Variants in ZFHX3 observed in about 807,000 individuals in gnomAD.
ZFHX3 encodes the protein zinc finger homeobox 3.
In ZFHX3, 42 loss-of-function variants were observed where a neutral mutation model predicts 279.1. That is an observed-to-expected ratio of 0.15 (90% CI 0.12 to 0.19). ZFHX3 has a LOEUF of 0.19. Ranked by LOEUF, ZFHX3 falls within the 10% of genes least tolerant of loss-of-function variation. The probability of loss-of-function intolerance (pLI) is 1.00; values close to 1 mark genes in which losing one functional copy is unlikely to be tolerated. For synonymous variants in ZFHX3, 2,293 were observed against 1,957.8 expected (o/e 1.17, Z -4.52); for missense variants, 4,981 against 4,754.0 (o/e 1.05, Z -1.40).
intron 2 of ZFHX3, chr16:73,554,836 C>T (rs1678856601): frequency 6.6e-6 from 1 of 152,154 alleles, no homozygotes; most frequent in African/African-American, 2.4e-5. Flanking sequence ...ATTCTCGCCA[C>T]CTGATTCCAT....
chr16:73,684,524 A>G (rs965160410), intron 1 of ZFHX3, among the ~76,000 whole-genome samples: 9 of 152,154 alleles, frequency 5.9e-5, no homozygotes, highest in Non-Finnish European at 1.3e-4. Context: ...AGGTAGAATA[A>G]TGGCTTCCCA....
intron 3 of ZFHX3, among the ~76,000 whole-genome samples, chr16:73,377,748 T>C (rs1351846390): frequency 2.6e-5 from 4 of 151,642 alleles, no homozygotes; most frequent in African/African-American, 7.3e-5. Context: ...AAATATCTTA[T>C]ACAGGCCAGG....
At chr16:73,376,093 C>G (rs1281980883) in intron 3 of ZFHX3, among the ~76,000 whole-genome samples, 2 of 152,214 alleles carry the variant, frequency 1.3e-5, no homozygotes, top group African/African-American at 4.8e-5. Context: ...TGTTCCTCCT[C>G]CTTTCCACTA....
intron 2 of ZFHX3, chr16:73,499,597 A>G (rs999744540): frequency 6.6e-6 from 1 of 152,250 alleles, no homozygotes. Flanking sequence ...GCTTTACACT[A>G]GAACCAATGA....
intron 1 of ZFHX3, among the ~76,000 whole-genome samples, chr16:73,804,699 C>A (rs190054147): frequency 6.6e-6 from 1 of 151,992 alleles, no homozygotes; most frequent in Admixed American, 6.6e-5. Flanking sequence ...AATGCCTGGA[C>A]CCACCTGGGA....
intron 2 of ZFHX3, among the ~76,000 whole-genome samples, chr16:73,624,302 T>C (rs75209195): frequency 1.5e-4 from 23 of 152,354 alleles, no homozygotes; most frequent in Non-Finnish European, 2.6e-4. Flanking sequence ...CCAATGTTTA[T>C]GTTTATGTTA....
chr16:73,565,379 C>A (rs2020436218), intron 2 of ZFHX3, among the ~76,000 whole-genome samples: 1 of 152,128 alleles, frequency 6.6e-6, no homozygotes. Context: ...AGGAAGAAAA[C>A]CCCGATGAAT....
chr16:73,495,800 G>T (rs1402047962), intron 2 of ZFHX3, among the ~76,000 whole-genome samples: 1 of 152,206 alleles, frequency 6.6e-6, no homozygotes, highest in Non-Finnish European at 1.5e-5. Flanking sequence ...GCTAAATGCA[G>T]ACAGAACACT....
intron 5 of ZFHX3, among the ~76,000 whole-genome samples, chr16:73,167,081 A>G (rs938935774): frequency 1.7e-4 from 26 of 152,222 alleles, no homozygotes; most frequent in African/African-American, 6.0e-4. Flanking sequence ...TGCCCTGCAA[A>G]GATGATAATC....
chr16:73,888,254 G>A lies in ZFHX3; in HGVS notation c.-1608+3397C>T, dbSNP rs80101601. 8.1e-3 allele frequency among the ~76,000 whole-genome samples: 1,232 copies of A among 152,256 alleles called. 19 individuals carry two copies. Among genetic ancestry groups the A allele is most frequent in the African/African-American group, 0.028 (1,161 of 41,542 alleles). On this transcript the variant is annotated intron_variant, in intron 1 of 17. Coordinates refer to the ZFHX3 transcript ENST00000641206. ...GAAGAAGAAATGTCATGCTAGCAGC[G>A]GTAACGGCATAAATTGTGCTCATTC...
chr16:73,789,904 T>G (rs1959771378), intron 1 of ZFHX3, among the ~76,000 whole-genome samples: 1 of 152,182 alleles, frequency 6.6e-6, no homozygotes, highest in Non-Finnish European at 1.5e-5. Context: ...CAAGGCCTTT[T>G]TCTCCTACTA....
At chr16:73,141,252 G>A (rs1966847137) in intron 6 of ZFHX3, among the ~76,000 whole-genome samples, 1 of 152,128 alleles carries the variant, frequency 6.6e-6, no homozygotes, top group Non-Finnish European at 1.5e-5. Flanking sequence ...TCATGGAACT[G>A]TCTTACTCTG....
intron 5 of ZFHX3, among the ~76,000 whole-genome samples, chr16:73,163,672 G>T (rs978924807): frequency 6.6e-6 from 1 of 152,178 alleles, no homozygotes; most frequent in Admixed American, 6.5e-5. Context: ...AAGAGTGCAC[G>T]TTTCCTGCAA....
intron 2 of ZFHX3, among the ~76,000 whole-genome samples, chr16:73,529,555 T>C (rs552295418): frequency 2.0e-5 from 3 of 152,308 alleles, no homozygotes; most frequent in Admixed American, 2.0e-4. Flanking sequence ...GGGAGCCTGC[T>C]GAGGTCAGCT....
At chr16:73,190,309 C>A (rs117250737) in intron 5 of ZFHX3, among the ~76,000 whole-genome samples, 2,087 of 152,300 alleles carry the variant, frequency 0.014, 47 homozygotes, top group Admixed American at 0.045. Flanking sequence ...TCGCCCACCC[C>A]CATCCCCACT....
At chr16:73,157,147 T>A (rs76590173) in intron 5 of ZFHX3, among the ~76,000 whole-genome samples, 2 of 152,160 alleles carry the variant, frequency 1.3e-5, no homozygotes, top group African/African-American at 4.8e-5. Context: ...GGACAAGTCA[T>A]GAATGTGGTC....
At chr16:73,450,189 A>G (rs1328649424) in intron 3 of ZFHX3, among the ~76,000 whole-genome samples, 1 of 152,146 alleles carries the variant, frequency 6.6e-6, no homozygotes, top group Non-Finnish European at 1.5e-5. Context: ...ATCCACTCCT[A>G]TCAAACTTCA....
intron 2 of ZFHX3, among the ~76,000 whole-genome samples, chr16:73,492,578 G>A (rs1373482079): frequency 6.6e-6 from 1 of 152,156 alleles, no homozygotes; most frequent in African/African-American, 2.4e-5. Flanking sequence ...CGCATGGGAT[G>A]CACCTTAACC....
At chr16:73,161,132 C>A (rs1967226128) in intron 5 of ZFHX3, among the ~76,000 whole-genome samples, 1 of 152,090 alleles carries the variant, frequency 6.6e-6, no homozygotes, top group African/African-American at 2.4e-5. Context: ...GGCACCATGC[C>A]TGGCTAATCT....
Sources: allele counts gnomAD v4.1 joint callset (sites outside exome capture counted in the v4.1 genomes callset), GRCh38; gene constraint gnomAD v4.1.1; transcripts MANE v1.5; gene names NCBI Gene and HGNC (gene_info 2026-07-23, HGNC 2026-07-21).